Variants in KCNH1 observed in about 807,000 individuals in gnomAD.
KCNH1 encodes the protein voltage-gated delayed rectifier potassium channel KCNH1.
A neutral mutation model predicts 69.2 loss-of-function variants in KCNH1; 27 were observed. The ratio of observed to expected loss-of-function variants is 0.39; its 90% confidence interval spans 0.29 to 0.54. The LOEUF is 0.54. Among genes scored for constraint, KCNH1 ranks in the 20% least tolerant of loss-of-function variants. The pLI is 0.68. For missense variants in KCNH1, 798 were observed against 1,261.6 expected (o/e 0.63, Z 5.57); for synonymous variants, 456 against 487.7 (o/e 0.93, Z 0.86).
intron 6 of KCNH1, among the ~76,000 whole-genome samples, chr1:210,996,589 A>T (rs775336150): frequency 7.2e-5 from 11 of 152,204 alleles, no homozygotes; most frequent in Non-Finnish European, 1.6e-4. Context: ...GACAGCAGTA[A>T]CCTCTGCAGA....
At chr1:210,734,762 G>A (rs895223708) in intron 10 of KCNH1, among the ~76,000 whole-genome samples, 5 of 151,970 alleles carry the variant, frequency 3.3e-5, no homozygotes, top group African/African-American at 1.2e-4. Flanking sequence ...GGGCTTCCTA[G>A]GGCCTGGAGA....
chr1:210,894,639 A>C (rs1190770926), intron 7 of KCNH1, among the ~76,000 whole-genome samples: 2 of 152,136 alleles, frequency 1.3e-5, no homozygotes, highest in Non-Finnish European at 2.9e-5. Context: ...CTCTGCCCTC[A>C]CGAATGGATT....
chr1:211,085,503 CAGAT>C (rs1392387394), intron 4 of KCNH1, among the ~76,000 whole-genome samples: 22 of 150,376 alleles, frequency 1.5e-4, no homozygotes, highest in African/African-American at 5.4e-4. Flanking sequence ...AAAAGACTGA[CAGAT>C]AGAAGATATG....
intron 10 of KCNH1, among the ~76,000 whole-genome samples, chr1:210,735,617 G>A (rs1369049042): frequency 1.3e-5 from 2 of 152,080 alleles, no homozygotes; most frequent in African/African-American, 4.8e-5. Context: ...CTAACCTAGT[G>A]CTGCAAGACT....
At chr1:210,890,574 C>T (rs1686722161) in intron 7 of KCNH1, among the ~76,000 whole-genome samples, 1 of 152,020 alleles carries the variant, frequency 6.6e-6, no homozygotes, top group Admixed American at 6.6e-5. Context: ...AGCTTTTGCA[C>T]AGCAAAAGGA....
At chr1:211,065,969 G>A (rs1262575040) in intron 5 of KCNH1, among the ~76,000 whole-genome samples, 4 of 152,048 alleles carry the variant, frequency 2.6e-5, no homozygotes, top group Admixed American at 2.6e-4. Context: ...TGAGGTGAGA[G>A]GATCTCTTGA....
intron 5 of KCNH1, among the ~76,000 whole-genome samples, chr1:211,082,017 C>T (rs1311089483): frequency 6.6e-6 from 1 of 151,778 alleles, no homozygotes; most frequent in African/African-American, 2.4e-5. Flanking sequence ...AAATAAAGAC[C>T]AGGCACCATC....
intron 7 of KCNH1, among the ~76,000 whole-genome samples, chr1:210,887,587 G>C (rs903561435): frequency 5.9e-5 from 9 of 152,036 alleles, no homozygotes; most frequent in African/African-American, 2.2e-4. Context: ...CCAATTAAAA[G>C]ACACAGACTG....
rs371028634 is a variant in KCNH1, at chr1:211,097,711, A to G, written c.310+5785T>C. Among the ~76,000 whole-genome samples the G allele has an allele frequency of 5.9e-5, 9 of 152,312 alleles. No homozygotes were observed. In the East Asian group the frequency reaches 1.5e-3, roughly 26 times the overall value. ...CCGGGTCTGGCATAGTGCTGAGCCT[A>G]CAGTAGGTAATCAATATGTACCTGG... On this transcript the variant is annotated intron_variant, in intron 3 of 10. Coordinates refer to ENST00000271751, the MANE Select transcript of KCNH1 (RefSeq NM_172362.3).
In KCNH1 at chr1:210,861,488, G is replaced by A. The variant is rs554565095; in HGVS notation, c.1463-57322C>T. On this transcript the variant is annotated intron_variant, in intron 7 of 10. Transcript: ENST00000271751. Reference sequence around the variant, plus strand: ...AAAAAGTCTTGCTAAAATATGTAAGGCCCACTTCTTGCATTTCCATTATGA... The same window carrying A: ...AAAAAGTCTTGCTAAAATATGTAAGACCCACTTCTTGCATTTCCATTATGA... The A allele has an allele frequency of 5.9e-5, 46 of 774,582 alleles. No individual in the cohort carries two copies. In the African/African-American group the frequency reaches 7.6e-4, roughly 13 times the overall value. 48.0% of individuals were successfully genotyped at this position (774,582 alleles called of 1,614,324 possible).
At chr1:210,755,222 T>TG (rs1683373539) in intron 10 of KCNH1, among the ~76,000 whole-genome samples, 1 of 152,072 alleles carries the variant, frequency 6.6e-6, no homozygotes, top group South Asian at 2.1e-4. Flanking sequence ...ACAGATTAGG[T>TG]GGGGCTGGTG....
chr1:211,098,264 T>A (rs1301672382), intron 3 of KCNH1, among the ~76,000 whole-genome samples: 1 of 148,100 alleles, frequency 6.8e-6, no homozygotes, highest in Non-Finnish European at 1.5e-5. Flanking sequence ...GAGGTTGCAG[T>A]GAGCTGAGAT....
intron 1 of KCNH1, chr1:211,108,767 A>T (rs1428040222): frequency 6.6e-6 from 1 of 152,230 alleles, no homozygotes; most frequent in Non-Finnish European, 1.5e-5. Flanking sequence ...TTATGATGTG[A>T]ATCTATAAAG....
At chr1:210,877,249 AGAGCAGG>A (rs1467055533) in intron 7 of KCNH1, among the ~76,000 whole-genome samples, 1 of 152,120 alleles carries the variant, frequency 6.6e-6, no homozygotes, top group Non-Finnish European at 1.5e-5. Flanking sequence ...AGAGAGGAAT[AGAGCAGG>A]GACGTAAGTG....
chr1:211,081,310 A>C (rs1318208732), intron 5 of KCNH1, among the ~76,000 whole-genome samples: 6 of 152,230 alleles, frequency 3.9e-5, no homozygotes, highest in Non-Finnish European at 1.5e-5. Context: ...TTAAAAAGTC[A>C]GGAAACAACA....
At chr1:211,052,292 C>G (rs557287812) in intron 5 of KCNH1, among the ~76,000 whole-genome samples, 2 of 152,358 alleles carry the variant, frequency 1.3e-5, no homozygotes, top group Non-Finnish European at 2.9e-5. Flanking sequence ...TGCACTGGTT[C>G]GGCCACTACC....
At chr1:210,691,418 T>C (rs1182803388) in intron 10 of KCNH1, among the ~76,000 whole-genome samples, 1 of 152,176 alleles carries the variant, frequency 6.6e-6, no homozygotes, top group Admixed American at 6.5e-5. Flanking sequence ...TACATTATTA[T>C]CCTCATTTTT....
intron 7 of KCNH1, among the ~76,000 whole-genome samples, chr1:210,876,243 C>T (rs1686370713): frequency 6.6e-6 from 1 of 152,162 alleles, no homozygotes; most frequent in Admixed American, 6.5e-5. Context: ...TTAATTAAAA[C>T]AGTAGATGTG....
chr1:210,919,752 G>A lies in KCNH1; in HGVS notation c.1350C>T (p.Tyr450=), dbSNP rs751603616. 1.9e-6 allele frequency: 3 copies of A among 1,614,072 alleles called. No homozygotes were observed. Among genetic ancestry groups the A allele is most frequent in the Non-Finnish European group, 1.7e-6 (2 of 1,180,032 alleles). ...TCATTGTGAAATACAACGAGGAGAT[G>A]TAGACAGAATTCTTGCTGGGACCAC... ...WEGGPSKNSV[Y]ISSLYFTMTS... is the part of the protein sequence containing the mutation. The change falls in exon 7 of 11, where the codon TAC becomes TAT. Residue 450 remains tyrosine, a synonymous_variant. Coordinates refer to ENST00000271751, the MANE Select transcript of KCNH1 (RefSeq NM_172362.3). The surrounding 1 kb of genome is among the most constrained non-coding windows in gnomAD (Gnocchi z 4.2).
Sources: allele counts gnomAD v4.1 joint callset (sites outside exome capture counted in the v4.1 genomes callset), GRCh38; gene constraint gnomAD v4.1.1; non-coding constraint Gnocchi (gnomAD v3.1); transcripts MANE v1.5; gene names NCBI Gene and HGNC (gene_info 2026-07-23, HGNC 2026-07-21).